The following ALCAM variants were observed in gnomAD, a reference collection of about 807,000 sequenced individuals.
ALCAM encodes CD166 antigen.
A neutral mutation model predicts 70.9 loss-of-function variants in ALCAM; 30 were observed. The ratio of observed to expected loss-of-function variants is 0.42; its 90% CI spans 0.32 to 0.57. The LOEUF (loss-of-function observed/expected upper bound fraction) is 0.57, where lower values mean the gene tolerates loss of function less well. ALCAM is among the 20% of genes least tolerant of loss of function. ALCAM has a pLI of 0.11. For synonymous variants in ALCAM, 249 were observed against 242.5 expected (o/e 1.03, Z -0.25); for missense variants, 591 against 695.1 (o/e 0.85, Z 1.68).
intron 1 of ALCAM, among the ~76,000 whole-genome samples, chr3:105,431,747 A>G (rs1936936820): frequency 6.6e-6 from 1 of 152,106 alleles, no homozygotes; most frequent in African/African-American, 2.4e-5. Context: ...TTATTTTTGA[A>G]ATCAGTTTTC....
chr3:105,540,697 G>A (rs972201452), intron 7 of ALCAM, among the ~76,000 whole-genome samples: 4 of 151,972 alleles, frequency 2.6e-5, no homozygotes, highest in East Asian at 1.9e-4. Context: ...GAGAGAGCTC[G>A]CTCTGAGGAT....
At chr3:105,481,187 T>C (rs563894101) in intron 1 of ALCAM, among the ~76,000 whole-genome samples, 1 of 152,162 alleles carries the variant, frequency 6.6e-6, no homozygotes, top group Non-Finnish European at 1.5e-5. Flanking sequence ...GGGGTCAGAT[T>C]GCTTAATGGG....
At chr3:105,386,081 G>A (rs1935647052) in intron 1 of ALCAM, among the ~76,000 whole-genome samples, 1 of 151,460 alleles carries the variant, frequency 6.6e-6, no homozygotes, top group African/African-American at 2.4e-5. Flanking sequence ...ATAAGACTTG[G>A]GCAGTGAGCA....
chr3:105,562,268 G>T (rs531799604), intron 14 of ALCAM, among the ~76,000 whole-genome samples: 2 of 152,168 alleles, frequency 1.3e-5, no homozygotes, highest in South Asian at 2.1e-4. Flanking sequence ...TATCTCTTTG[G>T]ATGAAGCAAA....
intron 15 of ALCAM, among the ~76,000 whole-genome samples, chr3:105,572,398 A>G (rs1940877131): frequency 2.0e-5 from 3 of 152,148 alleles, no homozygotes; most frequent in African/African-American, 7.2e-5. Context: ...CCATGTCCTT[A>G]CAAAGGACAT....
rs531104622 is a variant in ALCAM at position 105,567,714 on chromosome 3, T to TTA, written c.1665-4133_1665-4132dup. Among the ~76,000 whole-genome samples the TTA allele has an allele frequency of 2.6e-4, 40 of 152,356 alleles. No homozygotes were observed. The East Asian group carries it at 6.9e-3, about 26-fold the overall frequency. ...TTTCCTTTAAGCCATTAAGTGAGTA[T>TTA]TATATAATTGACTTAAAATTCTTGC... On this transcript the variant is annotated intron_variant, in intron 14 of 15. Coordinates refer to ENST00000306107, the MANE Select transcript of ALCAM (RefSeq NM_001627.4).
chr3:105,429,604 A>T (rs1936876978), intron 1 of ALCAM, among the ~76,000 whole-genome samples: 1 of 151,982 alleles, frequency 6.6e-6, no homozygotes, highest in Admixed American at 6.6e-5. Flanking sequence ...TATCCCTGTG[A>T]CCCTACCTTT....
chr3:105,470,342 C>G (rs551193654), intron 1 of ALCAM, among the ~76,000 whole-genome samples: 24 of 145,330 alleles, frequency 1.7e-4, no homozygotes, highest in Non-Finnish European at 3.7e-4. Flanking sequence ...TATGCATTTA[C>G]TTGATAACTC....
chr3:105,413,709 T>C (rs939185684), intron 1 of ALCAM, among the ~76,000 whole-genome samples: 2 of 152,158 alleles, frequency 1.3e-5, no homozygotes, highest in Non-Finnish European at 2.9e-5. Flanking sequence ...ACTGAATAAG[T>C]AAAGTGTCCA....
At chr3:105,392,917 G>C (rs754464742) in intron 1 of ALCAM, among the ~76,000 whole-genome samples, 15 of 151,724 alleles carry the variant, frequency 9.9e-5, no homozygotes, top group Non-Finnish European at 1.9e-4. Context: ...TTGAGTTCTA[G>C]TTTGATTGTA....
At chr3:105,441,194 A>G (rs1028523651) in intron 1 of ALCAM, among the ~76,000 whole-genome samples, 2 of 152,154 alleles carry the variant, frequency 1.3e-5, no homozygotes, top group African/African-American at 4.8e-5. Context: ...GAAAGTTCTT[A>G]ATATATAACT....
rs746032698 is a variant in ALCAM at position 105,534,777 on chromosome 3, C to T, written c.662C>T (p.Ser221Leu). 3.7e-6 allele frequency: 6 copies of T among 1,613,668 alleles called. No individual in the cohort carries two copies. The highest frequency in any genetic ancestry group is 1.7e-5 in the Admixed American group (1 of 59,968). Residue 221 changes from serine (S) to leucine (L), a missense_variant, in exon 6 of 16, where the codon TCG becomes TTG. Physicochemically the swap from Ser to Leu is moderately radical, Grantham distance 145. Coordinates refer to ENST00000306107, the MANE Select transcript of ALCAM (RefSeq NM_001627.4). ...GACATACAAATGCCATTCACCTGCT[C>T]GGTGACATATTATGGACCATCTGGC... Reference protein sequence around the residue: ...KADIQMPFTCSVTYYGPSGQK... With the variant: ...KADIQMPFTCLVTYYGPSGQK...
chr3:105,453,515 C>T (rs958227195), intron 1 of ALCAM, among the ~76,000 whole-genome samples: 1 of 152,148 alleles, frequency 6.6e-6, no homozygotes, highest in Non-Finnish European at 1.5e-5. Flanking sequence ...GTGATGCCTC[C>T]AGCTTTGTTC....
intron 1 of ALCAM, among the ~76,000 whole-genome samples, chr3:105,423,903 A>G (rs1202206018): frequency 2.0e-5 from 3 of 151,660 alleles, no homozygotes; most frequent in Non-Finnish European, 4.4e-5. Context: ...CTTGAATTAA[A>G]TAAGCTACCC....
intron 1 of ALCAM, among the ~76,000 whole-genome samples, chr3:105,424,636 T>C (rs963442634): frequency 2.0e-5 from 3 of 151,636 alleles, no homozygotes; most frequent in Non-Finnish European, 3.0e-5. Flanking sequence ...AGACATTGAT[T>C]ATATTTAGGT....
At chr3:105,402,879 C>T (rs1357330414) in intron 1 of ALCAM, among the ~76,000 whole-genome samples, 3 of 151,326 alleles carry the variant, frequency 2.0e-5, no homozygotes, top group Non-Finnish European at 1.5e-5. Flanking sequence ...AACCTGAATA[C>T]TTAACCAGGT....
chr3:105,551,988 C>T (rs1940420463), intron 12 of ALCAM, among the ~76,000 whole-genome samples, 156 bp from the exon 13 acceptor site: 1 of 148,182 alleles, frequency 6.7e-6, no homozygotes, highest in Admixed American at 6.9e-5. Flanking sequence ...TAGGCAAGGT[C>T]ATACTTTATT....
intron 2 of ALCAM, among the ~76,000 whole-genome samples, chr3:105,522,340 G>C (rs780027478): frequency 1.3e-5 from 2 of 152,056 alleles, no homozygotes; most frequent in Non-Finnish European, 2.9e-5. Flanking sequence ...TTAAGCAAAA[G>C]GCTTCAGCAA....
intron 1 of ALCAM, among the ~76,000 whole-genome samples, chr3:105,478,540 G>A (rs1476652711): frequency 6.6e-6 from 1 of 152,028 alleles, no homozygotes; most frequent in Non-Finnish European, 1.5e-5. Flanking sequence ...AACACACACA[G>A]AAACTCACCA....
Sources: allele counts gnomAD v4.1 joint callset (sites outside exome capture counted in the v4.1 genomes callset), GRCh38; gene constraint gnomAD v4.1.1; transcripts MANE v1.5; gene names NCBI Gene and HGNC (gene_info 2026-07-23, HGNC 2026-07-21).